The following PRR16 variants were observed in gnomAD, a reference collection of about 807,000 sequenced individuals.
PRR16 encodes protein Largen.
Under a neutral mutation model 18.2 loss-of-function variants are expected in PRR16, and 6 were observed. The ratio of observed to expected loss-of-function variants is 0.33; its 90% confidence interval spans 0.18 to 0.65. The LOEUF (loss-of-function observed/expected upper bound fraction) is 0.65. Ranked by LOEUF, PRR16 falls within the 30% of genes least tolerant of loss-of-function variation. The probability of loss-of-function intolerance (pLI) is 0.74; values close to 1 mark genes in which losing one functional copy is unlikely to be tolerated. For missense variants in PRR16, 412 were observed against 376.6 expected, an observed-to-expected ratio of 1.09 and a Z score of -0.78; for synonymous variants, 151 against 147.8, an observed-to-expected ratio of 1.02 and a Z score of -0.16.
chr5:120,508,808 C>T (rs1295870294), intron 1 of PRR16, among the ~76,000 whole-genome samples: 1 of 152,068 alleles, frequency 6.6e-6, no homozygotes, highest in Non-Finnish European at 1.5e-5. Flanking sequence ...CAATTATATA[C>T]TTTATCAACC....
chr5:120,630,459 G>C (rs1022148090), intron 1 of PRR16, among the ~76,000 whole-genome samples: 1 of 152,108 alleles, frequency 6.6e-6, no homozygotes, highest in South Asian at 2.1e-4. Flanking sequence ...TACTCTGGCA[G>C]ATGTTCCTGT....
the PRR16 span, among the ~76,000 whole-genome samples, chr5:120,778,106 A>C: frequency 6.6e-6 from 1 of 152,094 alleles, no homozygotes; most frequent in African/African-American, 2.4e-5. Context: ...CTAAAACCTA[A>C]AATTAATTAC....
chr5:120,654,504 A>T (rs1415613518), intron 1 of PRR16, among the ~76,000 whole-genome samples: 1 of 151,924 alleles, frequency 6.6e-6, no homozygotes, highest in East Asian at 1.9e-4. Context: ...GTTAAATATA[A>T]ATATCACCTC....
the PRR16 span, among the ~76,000 whole-genome samples, chr5:120,695,535 C>G: frequency 6.6e-6 from 1 of 152,166 alleles, no homozygotes; most frequent in East Asian, 1.9e-4. Flanking sequence ...TTCCCACCTG[C>G]CTGCTCACTT....
chr5:120,721,138 T>C, the PRR16 span, among the ~76,000 whole-genome samples: 1 of 152,234 alleles, frequency 6.6e-6, no homozygotes, highest in South Asian at 2.1e-4. Context: ...AATTCATTTA[T>C]TCATTCATCC....
the PRR16 span, among the ~76,000 whole-genome samples, chr5:120,710,372 C>T: frequency 7.2e-5 from 11 of 152,060 alleles, no homozygotes; most frequent in African/African-American, 2.7e-4. Context: ...CTGAAAATCT[C>T]ATAGGCTCTA....
At chr5:120,593,703 G>C (rs956207788) in intron 1 of PRR16, among the ~76,000 whole-genome samples, 1 of 151,766 alleles carries the variant, frequency 6.6e-6, no homozygotes, top group Non-Finnish European at 1.5e-5. Flanking sequence ...ACAACGAAAG[G>C]AAGGATATCA....
intron 1 of PRR16, among the ~76,000 whole-genome samples, chr5:120,488,906 G>A (rs1749916679): frequency 6.6e-6 from 1 of 152,072 alleles, no homozygotes; most frequent in South Asian, 2.1e-4. Flanking sequence ...ATTTCATTAT[G>A]TACCCAGTAG....
chr5:120,516,423 C>CA (rs531146634), intron 1 of PRR16, among the ~76,000 whole-genome samples: 1,086 of 52,492 alleles, frequency 0.021, 52 homozygotes, highest in Non-Finnish European at 0.034. Flanking sequence ...GATTATGTCT[C>CA]AAAAAAAAAA....
At chr5:120,736,770 C>T in the PRR16 span, among the ~76,000 whole-genome samples, 218 of 152,026 alleles carry the variant, frequency 1.4e-3, no homozygotes, top group African/African-American at 5.0e-3. Flanking sequence ...TTTCCTTCAG[C>T]AATGTTTTAT....
At chr5:120,725,980 T>C in the PRR16 span, among the ~76,000 whole-genome samples, 2 of 152,032 alleles carry the variant, frequency 1.3e-5, no homozygotes, top group African/African-American at 4.8e-5. Context: ...GACGTAGTCA[T>C]GCCAATGTTT....
intron 1 of PRR16, among the ~76,000 whole-genome samples, chr5:120,576,797 C>G (rs1344703613): frequency 2.0e-5 from 3 of 152,078 alleles, no homozygotes; most frequent in African/African-American, 7.2e-5. Flanking sequence ...CCTTAATACT[C>G]TGACTGGAAC....
intron 1 of PRR16, among the ~76,000 whole-genome samples, chr5:120,613,961 T>G (rs536805461): frequency 1.3e-5 from 2 of 152,324 alleles, no homozygotes; most frequent in African/African-American, 4.8e-5. Flanking sequence ...GAACTTTTAA[T>G]GTAGTCAGTT....
rs150950399 is a variant in PRR16, at chr5:120,484,088, G to A, written c.159+19443G>A. Among the ~76,000 whole-genome samples the A allele has an allele frequency of 7.4e-3, 1,129 of 151,738 alleles. 22 individuals are homozygous for A. Among genetic ancestry groups the A allele is most frequent in the African/African-American group, 0.026 (1,082 of 41,436 alleles). Reference sequence around the variant, plus strand: ...GCTCAACACAGGAAAAACCCAGGATGACATTTTTAAAAAAGCAAGCGTATA... The same window carrying A: ...GCTCAACACAGGAAAAACCCAGGATAACATTTTTAAAAAAGCAAGCGTATA... On this transcript the variant is annotated intron_variant, in intron 1 of 1. Transcript: ENST00000407149.
chr5:120,522,307 A>G (rs1467411225), intron 1 of PRR16, among the ~76,000 whole-genome samples: 2 of 152,112 alleles, frequency 1.3e-5, no homozygotes, highest in African/African-American at 2.4e-5. Flanking sequence ...AAGTGTTCCT[A>G]TTTCTCCACA....
At chr5:120,542,041 G>C (rs1315435919) in intron 1 of PRR16, among the ~76,000 whole-genome samples, 1 of 151,548 alleles carries the variant, frequency 6.6e-6, no homozygotes, top group Non-Finnish European at 1.5e-5. Flanking sequence ...TTTTCCTCTA[G>C]GTGTTACAAA....
At chr5:120,687,759 GCCGTTGCTGTCTTC>G (rs1425822596), downstream of PRR16, among the ~76,000 whole-genome samples, 1 of 152,154 alleles carries the variant, frequency 6.6e-6, no homozygotes, top group Admixed American at 6.6e-5. Flanking sequence ...GATACCATGG[GCCGTTGCTGTCTTC>G]TAAAAGAAAG....
chr5:120,743,997 T>C, the PRR16 span, among the ~76,000 whole-genome samples: 1 of 152,152 alleles, frequency 6.6e-6, no homozygotes, highest in Non-Finnish European at 1.5e-5. Context: ...ATTTTCCTTT[T>C]CATCTCTTTC....
intron 1 of PRR16, among the ~76,000 whole-genome samples, chr5:120,546,742 G>A (rs1430210524): frequency 6.6e-6 from 1 of 151,998 alleles, no homozygotes; most frequent in Non-Finnish European, 1.5e-5. Flanking sequence ...GTGATGCAGG[G>A]CAGTCAAGCC....
Sources: allele counts gnomAD v4.1 joint callset (sites outside exome capture counted in the v4.1 genomes callset), GRCh38; gene constraint gnomAD v4.1.1; transcripts MANE v1.5; gene names NCBI Gene and HGNC (gene_info 2026-07-23, HGNC 2026-07-21).